Variants in DMD observed in about 807,000 individuals in gnomAD.
DMD encodes dystrophin.
Under a neutral mutation model 330.1 loss-of-function variants are expected in DMD, and 63 were observed. The ratio of observed to expected loss-of-function variants is 0.19; its 90% CI spans 0.16 to 0.24. DMD has a LOEUF of 0.24. DMD is among the 10% of genes least tolerant of loss of function. The pLI is 1.00. For missense variants in DMD, 3,344 were observed against 2,684.1 expected (o/e 1.25, Z -5.43); for synonymous variants, 1,223 against 959.8 (o/e 1.27, Z -5.07).
intron 1 of DMD, among the ~76,000 whole-genome samples, chrX:33,332,350 T>C (rs939957304): frequency 1.8e-5 from 2 of 112,039 alleles, no homozygotes; most frequent in Non-Finnish European, 3.8e-5. Context: ...TTTTTATTGA[T>C]CAGGTTATAA....
intron 7 of DMD, among the ~76,000 whole-genome samples, chrX:32,790,492 C>G (rs1015557758): frequency 1.8e-5 from 2 of 111,611 alleles, no homozygotes; most frequent in Non-Finnish European, 3.8e-5. Context: ...CTCTAGAGTC[C>G]TAAGCAGCTG....
rs145059104 is a variant in DMD at position 31,158,470 on chromosome X, G to A, written c.10554-10952C>T. Among the ~76,000 whole-genome samples, 638 of 111,593 alleles carry A rather than the reference G, an allele frequency of 5.7e-3. 3 individuals are homozygous for A. Among genetic ancestry groups the A allele is most frequent in the African/African-American group, 0.019 (595 of 30,683 alleles). On this transcript the variant is annotated intron_variant, in intron 74 of 78. Transcript: ENST00000357033. Reference sequence around the variant, plus strand: ...TGAAAAGAGTAGTTGCAGGAGAAACGAGGAGTGACTTGAAAATGGGGATGG... The same window carrying A: ...TGAAAAGAGTAGTTGCAGGAGAAACAAGGAGTGACTTGAAAATGGGGATGG...
intron 7 of DMD, among the ~76,000 whole-genome samples, chrX:32,776,062 T>A (rs1971059050): frequency 8.9e-6 from 1 of 111,790 alleles, no homozygotes; most frequent in South Asian, 3.8e-4. Context: ...AAGTTCAAAG[T>A]TCCACAGATG....
intron 3 of DMD, among the ~76,000 whole-genome samples, chrX:32,846,723 T>TAAAAAAAAAAA (rs10564725): frequency 1.9e-5 from 1 of 53,583 alleles, no homozygotes; most frequent in African/African-American, 6.9e-5. Context: ...ACTTTAGATT[T>TAAAAAAAAAAA]AAAAAAAAAA....
intron 29 of DMD, among the ~76,000 whole-genome samples, chrX:32,434,789 A>G (rs1379412183): frequency 8.9e-6 from 1 of 112,209 alleles, no homozygotes; most frequent in Non-Finnish European, 1.9e-5. Flanking sequence ...CTATTACTAC[A>G]CATTGTTTTA....
intron 1 of DMD, among the ~76,000 whole-genome samples, chrX:33,073,730 G>A (rs1400539094): frequency 1.8e-5 from 2 of 109,875 alleles, no homozygotes; most frequent in African/African-American, 6.6e-5. Context: ...TACTCGAGAG[G>A]CTGAGGCAGG....
chrX:33,275,885 T>C (rs1038948006), intron 1 of DMD, among the ~76,000 whole-genome samples: 5 of 111,863 alleles, frequency 4.5e-5, no homozygotes, highest in Non-Finnish European at 9.4e-5. Flanking sequence ...TCTCTGTGTA[T>C]GTTTACGTAC....
At chrX:32,821,513 G>A (rs1453192020) in intron 5 of DMD, among the ~76,000 whole-genome samples, 2 of 109,699 alleles carry the variant, frequency 1.8e-5, no homozygotes, top group Non-Finnish European at 3.8e-5. Context: ...GCGTGAATCC[G>A]GGAGGCGGAG....
intron 2 of DMD, among the ~76,000 whole-genome samples, chrX:32,860,600 A>G (rs2082004831): frequency 9.0e-6 from 1 of 111,615 alleles, no homozygotes; most frequent in South Asian, 3.8e-4. Context: ...GTTTTCTTAA[A>G]TATGAGTTGG....
chrX:31,501,591 G>A, intron 56 of DMD, among the ~76,000 whole-genome samples: 1 of 111,554 alleles, frequency 9.0e-6, no homozygotes, highest in East Asian at 2.8e-4. Context: ...TATATTGCTT[G>A]GTCTTTAAGG....
chrX:33,185,124 T>G (rs2050192129), intron 1 of DMD, among the ~76,000 whole-genome samples: 1 of 110,941 alleles, frequency 9.0e-6, no homozygotes, highest in African/African-American at 3.3e-5. Context: ...CCAAAAATAA[T>G]CTATTGTATC....
At chrX:32,239,453 C>G (rs764014311) in intron 43 of DMD, among the ~76,000 whole-genome samples, 119 of 111,915 alleles carry the variant, frequency 1.1e-3, no homozygotes, top group South Asian at 1.9e-3. Context: ...TCATTACACA[C>G]AGCCTACCCC....
chrX:33,010,849 A>G (rs996601208), intron 2 of DMD, among the ~76,000 whole-genome samples: 7 of 110,991 alleles, frequency 6.3e-5, no homozygotes, highest in African/African-American at 2.3e-4. Context: ...TGTGGTTCTC[A>G]AAGTGTGGTT....
intron 7 of DMD, among the ~76,000 whole-genome samples, chrX:32,733,773 G>T (rs1410576912): frequency 9.5e-6 from 1 of 105,404 alleles, no homozygotes; most frequent in Non-Finnish European, 1.9e-5. Context: ...AGTGTGTAGA[G>T]GGAAATTTAT....
intron 62 of DMD, among the ~76,000 whole-genome samples, chrX:31,293,921 C>T (rs939795681): frequency 2.7e-5 from 3 of 111,517 alleles, no homozygotes; most frequent in African/African-American, 9.8e-5. Flanking sequence ...TTTGGGATGC[C>T]AAGGCAGGAG....
At chrX:31,302,672 C>G (rs768031109) in intron 62 of DMD, among the ~76,000 whole-genome samples, 190 of 110,199 alleles carry the variant, frequency 1.7e-3, no homozygotes, top group African/African-American at 5.9e-3. Context: ...AAAAAAAATG[C>G]AATTGCAATA....
chrX:31,585,502 T>A (rs745983613), intron 55 of DMD, among the ~76,000 whole-genome samples: 9 of 100,228 alleles, frequency 9.0e-5, no homozygotes, highest in Non-Finnish European at 1.4e-4. Flanking sequence ...TTTTTTTTTT[T>A]AAATTTCTTC....
chrX:32,139,974 T>C (rs2096744770), intron 44 of DMD, among the ~76,000 whole-genome samples: 1 of 112,239 alleles, frequency 8.9e-6, no homozygotes, highest in African/African-American at 3.2e-5. Flanking sequence ...AGGATTTTAG[T>C]CTATTTTCTT....
intron 2 of DMD, among the ~76,000 whole-genome samples, chrX:32,922,427 C>A (rs1035978644): frequency 2.7e-5 from 3 of 111,863 alleles, no homozygotes; most frequent in African/African-American, 6.5e-5. Flanking sequence ...AGACCTACCC[C>A]CTAAGCTTTA....
Sources: allele counts gnomAD v4.1 joint callset (sites outside exome capture counted in the v4.1 genomes callset), GRCh38; gene constraint gnomAD v4.1.1; transcripts MANE v1.5; gene names NCBI Gene and HGNC (gene_info 2026-07-23, HGNC 2026-07-21).